The following TOM1L1 variants were observed in gnomAD, a reference collection of about 807,000 sequenced individuals.
TOM1L1 encodes target of myb1 like 1 membrane trafficking protein, also known as TOM1-like protein 1.
A neutral mutation model predicts 63.4 loss-of-function variants in TOM1L1; 64 were observed. That is an observed-to-expected ratio of 1.01 (90% confidence interval 0.83 to 1.24). TOM1L1 has a LOEUF of 1.24. Ranked by LOEUF, TOM1L1 falls within the 50% of genes most tolerant of loss-of-function variation. The pLI is 0.00. For synonymous variants in TOM1L1, 166 were observed against 194.4 expected, an observed-to-expected ratio of 0.85 and a Z score of 1.22; for missense variants, 536 against 567.0, an observed-to-expected ratio of 0.95 and a Z score of 0.55.
intron 14 of TOM1L1, among the ~76,000 whole-genome samples, chr17:54,960,128 C>T (rs57632493): frequency 0.29 from 44,374 of 151,508 alleles, 6,757 homozygotes; most frequent in African/African-American, 0.35. Flanking sequence ...TTTGGGAGGC[C>T]GAGGCGGGTG....
intron 8 of TOM1L1, 175 bp from the exon 9 acceptor site, chr17:54,936,474 G>T: frequency 3.9e-6 from 2 of 514,304 alleles, no homozygotes; most frequent in Non-Finnish European, 6.8e-6. Flanking sequence ...TTTCTCTGAG[G>T]GTATGAATAC....
At position 54,900,886 on chromosome 17, in the gene TOM1L1, C is replaced by G; in HGVS notation, c.21C>G (p.His7Gln). MAFGKS[H>Q]RDPYATSVGH... is the part of the protein sequence containing the mutation. Reference sequence around the variant, plus strand: ...CTACCATGGCGTTTGGCAAGAGTCACCGGGATCCCTACGCGACCTCCGTGG... The same window carrying G: ...CTACCATGGCGTTTGGCAAGAGTCAGCGGGATCCCTACGCGACCTCCGTGG... The change falls in exon 1 of 16, where the codon CAC becomes CAG. Residue 7 changes from histidine (H) to glutamine (Q), a missense_variant. His to Gln is a conservative substitution (Grantham distance 24, BLOSUM62 0). Transcript: ENST00000575882. 6.2e-7 allele frequency: 1 copy of G among 1,613,798 alleles called. No individual in the cohort carries two copies. Among genetic ancestry groups the G allele is most frequent in the Non-Finnish European group, 8.5e-7 (1 of 1,180,022 alleles).
chr17:54,910,014 G>A (rs988484245), intron 3 of TOM1L1, among the ~76,000 whole-genome samples: 1 of 152,194 alleles, frequency 6.6e-6, no homozygotes, highest in African/African-American at 2.4e-5. Flanking sequence ...TGACATTCTT[G>A]ATTCTAATGG....
intron 3 of TOM1L1, among the ~76,000 whole-genome samples, chr17:54,906,297 C>G (rs558267560): frequency 1.3e-5 from 2 of 152,036 alleles, no homozygotes; most frequent in Non-Finnish European, 2.9e-5. Context: ...GGTGAAACCC[C>G]GTCTCTACTA....
chr17:54,901,488 G>A (rs1043971317), intron 1 of TOM1L1, among the ~76,000 whole-genome samples: 10 of 152,220 alleles, frequency 6.6e-5, no homozygotes, highest in Admixed American at 2.6e-4. Context: ...GGAGCCATCT[G>A]GGGCCACGGA....
At chr17:54,936,426 A>G (rs541058759) in intron 8 of TOM1L1, 1 of 413,508 alleles carries the variant, frequency 2.4e-6, no homozygotes, top group South Asian at 5.1e-5. Flanking sequence ...TTTCTGGGTG[A>G]TGAGTTTTTT....
At position 54,915,853 on chromosome 17, in the gene TOM1L1, G is replaced by T; in HGVS notation, c.711G>T (p.Glu237Asp). Residue 237 changes from glutamate to aspartate, a missense_variant, in exon 7 of 16, where the codon GAG becomes GAT. Coordinates refer to ENST00000575882, the MANE Select transcript of TOM1L1 (RefSeq NM_005486.3). ...TPGSENHEDI[E>D]LLQKLYKTGR... ...GGTCTGAAAACCATGAAGACATAGAGCTTCTGCAGGTGTTGTACGATTTCA... is the reference window on the plus strand; with the variant it reads ...GGTCTGAAAACCATGAAGACATAGATCTTCTGCAGGTGTTGTACGATTTCA... 6.2e-7 allele frequency: 1 copy of T among 1,611,964 alleles called. No homozygotes were observed. The highest frequency in any genetic ancestry group is 1.1e-5 in the South Asian group (1 of 91,014).
chr17:54,931,357 C>T (rs1211569104), intron 8 of TOM1L1, among the ~76,000 whole-genome samples: 1 of 152,002 alleles, frequency 6.6e-6, no homozygotes, highest in Non-Finnish European at 1.5e-5. Context: ...CATATGAAAA[C>T]ACCTAGCAGA....
intron 7 of TOM1L1, among the ~76,000 whole-genome samples, chr17:54,929,756 T>TTTC (rs1555610156): frequency 6.6e-6 from 1 of 151,702 alleles, no homozygotes; most frequent in East Asian, 1.9e-4. Context: ...TTTTTTTTTT[T>TTTC]CCCCAACATG....
At chr17:54,925,219 G>A (rs1334878684) in intron 7 of TOM1L1, among the ~76,000 whole-genome samples, 1 of 152,206 alleles carries the variant, frequency 6.6e-6, no homozygotes, top group Non-Finnish European at 1.5e-5. Flanking sequence ...AATATCCCTA[G>A]AATTACATAG....
intron 8 of TOM1L1, among the ~76,000 whole-genome samples, chr17:54,932,263 C>G (rs148668178): frequency 0.021 from 3,211 of 152,200 alleles, 127 homozygotes; most frequent in African/African-American, 0.074. Flanking sequence ...ATTGATTGAG[C>G]AAGCAGGGAG....
chr17:54,953,339 A>C (rs1270162595), intron 14 of TOM1L1: 1 of 152,398 alleles, frequency 6.6e-6, no homozygotes, highest in Non-Finnish European at 1.5e-5. Context: ...GCTGCACTCC[A>C]GCCTGGGTAA....
At chr17:54,936,458 C>T in intron 8 of TOM1L1, 191 bp from the exon 9 acceptor site, 1 of 459,048 alleles carries the variant, frequency 2.2e-6, no homozygotes, top group East Asian at 3.6e-5. Flanking sequence ...TCTATTTTCT[C>T]ACAGTTTTCT....
At chr17:54,902,776 C>T (rs981032533) in intron 1 of TOM1L1, among the ~76,000 whole-genome samples, 2 of 152,158 alleles carry the variant, frequency 1.3e-5, no homozygotes, top group African/African-American at 4.8e-5. Context: ...CTGAGTGTTC[C>T]ATTACCCTTT....
intron 7 of TOM1L1, among the ~76,000 whole-genome samples, chr17:54,925,568 ACTT>A (rs2048754471): frequency 6.6e-6 from 1 of 152,136 alleles, no homozygotes; most frequent in African/African-American, 2.4e-5. Context: ...TTGCACATAT[ACTT>A]CACCAGTGAC....
chr17:54,946,710 T>C (rs530567886), intron 11 of TOM1L1, among the ~76,000 whole-genome samples: 15 of 152,246 alleles, frequency 9.9e-5, no homozygotes, highest in African/African-American at 2.6e-4. Flanking sequence ...ATGCCTGGGG[T>C]TCAGACTGCA....
At chr17:54,914,107 A>G (rs2048544544) in intron 5 of TOM1L1, among the ~76,000 whole-genome samples, 2 of 152,014 alleles carry the variant, frequency 1.3e-5, no homozygotes, top group Admixed American at 1.3e-4. Context: ...ACTAATCAGA[A>G]CCTCCCTTTT....
intron 14 of TOM1L1, chr17:54,954,548 G>A (rs1009754899): frequency 3.9e-5 from 6 of 152,200 alleles, no homozygotes; most frequent in Admixed American, 6.5e-5. Flanking sequence ...AATACAGAAC[G>A]GGCCCTTGCT....
chr17:54,926,906 C>A (rs2048778499), intron 7 of TOM1L1, among the ~76,000 whole-genome samples: 1 of 152,178 alleles, frequency 6.6e-6, no homozygotes, highest in South Asian at 2.1e-4. Context: ...TCATTTTGAA[C>A]CCAGGACTGA....
Sources: allele counts gnomAD v4.1 joint callset (sites outside exome capture counted in the v4.1 genomes callset), GRCh38; gene constraint gnomAD v4.1.1; transcripts MANE v1.5; gene names NCBI Gene and HGNC (gene_info 2026-07-23, HGNC 2026-07-21).